CFAP61: variants seen among roughly 807,000 people sequenced by gnomAD.
The protein encoded by CFAP61 is cilia and flagella associated protein 61.
A neutral mutation model predicts 135.6 loss-of-function variants in CFAP61; 107 were observed. The observed-to-expected ratio is 0.79, with a 90% CI of 0.67 to 0.93. The LOEUF is 0.93. Among genes scored for constraint, CFAP61 ranks in the 40% least tolerant of loss-of-function variants. The pLI, the probability that CFAP61 is intolerant of heterozygous loss-of-function variation, is 0.00. For synonymous variants in CFAP61, 575 were observed against 578.5 expected, an observed-to-expected ratio of 0.99 and a Z score of 0.09; for missense variants, 1,507 against 1,556.2, an observed-to-expected ratio of 0.97 and a Z score of 0.53.
intron 8 of CFAP61, among the ~76,000 whole-genome samples, chr20:20,103,640 G>T (rs958313936): frequency 3.3e-5 from 5 of 152,166 alleles, no homozygotes; most frequent in African/African-American, 1.2e-4. Context: ...ATATCAAGAT[G>T]TTCCATATGC....
intron 25 of CFAP61, among the ~76,000 whole-genome samples, chr20:20,338,213 C>A (rs1249489552): frequency 6.6e-6 from 1 of 152,194 alleles, no homozygotes; most frequent in Non-Finnish European, 1.5e-5. Flanking sequence ...GGGCAGGCAT[C>A]TTAGAAGGAG....
chr20:20,109,509 T>C (rs981460526), intron 8 of CFAP61, among the ~76,000 whole-genome samples: 8 of 152,326 alleles, frequency 5.3e-5, no homozygotes, highest in African/African-American at 1.9e-4. Flanking sequence ...TGGTAATTGC[T>C]GTGCGTGGTC....
intron 22 of CFAP61, among the ~76,000 whole-genome samples, chr20:20,281,893 G>A (rs969131537): frequency 3.3e-5 from 5 of 152,158 alleles, no homozygotes; most frequent in African/African-American, 4.8e-5. Flanking sequence ...TGGGCATGGA[G>A]TTTATATTGT....
chr20:20,234,657 C>G (rs960956304), intron 18 of CFAP61, among the ~76,000 whole-genome samples: 8 of 152,072 alleles, frequency 5.3e-5, no homozygotes, highest in Non-Finnish European at 7.4e-5. Context: ...CCAGCACCAT[C>G]AGCATTACCT....
intron 13 of CFAP61, among the ~76,000 whole-genome samples, chr20:20,173,306 T>A (rs1303660924): frequency 1.3e-5 from 2 of 152,232 alleles, no homozygotes; most frequent in Non-Finnish European, 2.9e-5. Flanking sequence ...AGAGTGCAAT[T>A]GCTGGATCCT....
At chr20:20,308,722 G>A (rs771612273) in intron 25 of CFAP61, among the ~76,000 whole-genome samples, 4 of 152,142 alleles carry the variant, frequency 2.6e-5, no homozygotes, top group Non-Finnish European at 5.9e-5. Flanking sequence ...ATGCTGACTG[G>A]TAGGTTCAGA....
chr20:20,352,535 A>G (rs1460898263), intron 26 of CFAP61, among the ~76,000 whole-genome samples: 2 of 152,210 alleles, frequency 1.3e-5, no homozygotes, highest in Non-Finnish European at 2.9e-5. Flanking sequence ...AAACCTACAC[A>G]TTTACAGGCA....
At chr20:20,198,331 T>C (rs2056422324) in intron 16 of CFAP61, among the ~76,000 whole-genome samples, 1 of 152,210 alleles carries the variant, frequency 6.6e-6, no homozygotes, top group South Asian at 2.1e-4. Context: ...TGAAGTTGCC[T>C]GGATGTTCTG....
chr20:20,150,379 T>G (rs1340357430), intron 9 of CFAP61, among the ~76,000 whole-genome samples: 1 of 152,162 alleles, frequency 6.6e-6, no homozygotes, highest in Non-Finnish European at 1.5e-5. Flanking sequence ...AGGGCAAGCT[T>G]ATATCCCCCT....
intron 25 of CFAP61, among the ~76,000 whole-genome samples, chr20:20,303,720 G>T (rs1488888958): frequency 6.6e-6 from 1 of 152,138 alleles, no homozygotes; most frequent in Non-Finnish European, 1.5e-5. Context: ...CATCAGCAAC[G>T]TCCCTCGTTC....
chr20:20,214,628 C>G (rs1232609202), intron 17 of CFAP61, among the ~76,000 whole-genome samples: 2 of 152,220 alleles, frequency 1.3e-5, no homozygotes, highest in African/African-American at 4.8e-5. Flanking sequence ...CCTGAAGATG[C>G]ATGGTCTTGA....
chr20:20,208,741 T>C (rs541805203), intron 17 of CFAP61, among the ~76,000 whole-genome samples: 2 of 152,336 alleles, frequency 1.3e-5, no homozygotes, highest in Admixed American at 6.5e-5. Context: ...AGGTGCCCCA[T>C]AGGAAGGACC....
intron 2 of CFAP61, among the ~76,000 whole-genome samples, chr20:20,067,437 A>C (rs1433581021): frequency 6.6e-6 from 1 of 151,580 alleles, no homozygotes; most frequent in African/African-American, 2.4e-5. Flanking sequence ...AGTAAAAGAG[A>C]TCGAGACCAT....
chr20:20,098,550 G>C, intron 7 of CFAP61, 105 bp from the exon 8 acceptor site: 3 of 995,708 alleles, frequency 3.0e-6, no homozygotes, highest in South Asian at 1.8e-5. Context: ...CGGAGGTTGC[G>C]GTGAGCCAAG....
At chr20:20,291,759 G>T (rs1392577985) in intron 24 of CFAP61, among the ~76,000 whole-genome samples, 1 of 152,230 alleles carries the variant, frequency 6.6e-6, no homozygotes, top group Non-Finnish European at 1.5e-5. Context: ...AAGGACACAG[G>T]TGGTTGGTCA....
intron 23 of CFAP61, 60 bp from the exon 24 acceptor site, chr20:20,290,240 G>A (rs2054901918): frequency 2.9e-6 from 3 of 1,040,824 alleles, no homozygotes; most frequent in Non-Finnish European, 4.6e-6. Flanking sequence ...GAAAATATGA[G>A]CTCTGTTACT....
At chr20:20,143,507 T>A (rs2146754005) in intron 9 of CFAP61, among the ~76,000 whole-genome samples, 1 of 152,354 alleles carries the variant, frequency 6.6e-6, no homozygotes, top group Admixed American at 6.5e-5. Flanking sequence ...AGCATTCTTT[T>A]TACACTAAGG....
intron 8 of CFAP61, among the ~76,000 whole-genome samples, chr20:20,104,418 A>G (rs983151432): frequency 1.3e-5 from 2 of 152,182 alleles, no homozygotes; most frequent in African/African-American, 4.8e-5. Flanking sequence ...CTAAAAAACA[A>G]TGGCTACATT....
intron 2 of CFAP61, among the ~76,000 whole-genome samples, chr20:20,064,284 G>C (rs1441221064): frequency 6.6e-6 from 1 of 152,206 alleles, no homozygotes; most frequent in Middle Eastern, 3.4e-3. Flanking sequence ...CAATTTCACG[G>C]ATTAAAGATT....
Sources: allele counts gnomAD v4.1 joint callset (sites outside exome capture counted in the v4.1 genomes callset), GRCh38; gene constraint gnomAD v4.1.1; transcripts MANE v1.5; gene names NCBI Gene and HGNC (gene_info 2026-07-23, HGNC 2026-07-21).